Variants in ABR observed in about 807,000 individuals in gnomAD.
ABR encodes active breakpoint cluster region-related protein.
A neutral mutation model predicts 107.2 loss-of-function variants in ABR; 35 were observed. The observed-to-expected ratio is 0.33, with a 90% CI of 0.25 to 0.43. ABR has a LOEUF of 0.43. Among genes scored for constraint, ABR ranks in the 20% least tolerant of loss-of-function variants. The pLI is 1.00. For missense variants in ABR, 815 were observed against 1,115.2 expected, an observed-to-expected ratio of 0.73 and a Z score of 3.83; for synonymous variants, 498 against 462.0, an observed-to-expected ratio of 1.08 and a Z score of -1.00.
At chr17:1,216,023 G>C (rs1220542321) in intron 1 of ABR, among the ~76,000 whole-genome samples, 2 of 147,564 alleles carry the variant, frequency 1.4e-5, no homozygotes, top group East Asian at 4.0e-4. Context: ...AAGTACCCAG[G>C]GACACAAACA....
rs75519607 is a variant in ABR at position 1,200,901 on chromosome 17, G to A, written c.838+27892C>T. Among the ~76,000 whole-genome samples the A allele has an allele frequency of 0.037, 5,618 of 152,198 alleles. 145 individuals are homozygous for A. The highest frequency in any genetic ancestry group is 0.13 in the East Asian group (677 of 5,166). ...TGGGGCTCTTCCTTCCTCTGGGCAG[G>A]GCTACAGCTTAGAGACTGGGAGAAA... On this transcript the variant is annotated intron_variant, in intron 1 of 22. Transcript: ENST00000574139. This position sits in a 1 kb window ranked among gnomAD's most constrained non-coding sequence, Gnocchi z 4.1.
Position 1,072,185 on chromosome 17 carries a change from G to T in ABR, c.894+429C>A, listed in dbSNP as rs2035292784. On this transcript the variant is annotated intron_variant, in intron 8 of 22. Coordinates refer to ENST00000302538, the MANE Select transcript of ABR (RefSeq NM_021962.5). Reference sequence around the variant, plus strand: ...CCCAAAGTGCTGGGATTACAGGTGTGAGCCACCGTGCCCGGCCTCCCTAGA... The same window carrying T: ...CCCAAAGTGCTGGGATTACAGGTGTTAGCCACCGTGCCCGGCCTCCCTAGA... Among the ~76,000 whole-genome samples the T allele has an allele frequency of 4.6e-5, 7 of 152,320 alleles. No homozygotes were observed. In the South Asian group the frequency reaches 1.4e-3, roughly 32 times the overall value.
At chr17:1,038,960 G>A (rs569285861) in intron 16 of ABR, among the ~76,000 whole-genome samples, 28 of 152,350 alleles carry the variant, frequency 1.8e-4, no homozygotes, top group African/African-American at 4.6e-4. Flanking sequence ...CTATGTCTGC[G>A]GCTTTCGCCT....
chr17:1,205,880 T>C (rs1050185950), intron 1 of ABR, among the ~76,000 whole-genome samples: 3 of 152,028 alleles, frequency 2.0e-5, no homozygotes, highest in Non-Finnish European at 2.9e-5. Flanking sequence ...AGGTGGCGGT[T>C]GCAGTGAGCT....
chr17:1,198,894 A>C (rs1254019548), intron 1 of ABR, among the ~76,000 whole-genome samples: 1 of 148,236 alleles, frequency 6.7e-6, no homozygotes, highest in Admixed American at 6.7e-5. Flanking sequence ...CAGCCTCCCA[A>C]AGTGCTGGGA....
At position 1,015,829 on chromosome 17, in the gene ABR, C is replaced by T. The variant is rs1182766690; in HGVS notation, c.1792-2665G>A. ...TGGAATGCTCTCTCAATGAGATGGGCGGAACATTTTTTGCTTTAGTTCGCG... is the reference window on the plus strand; with the variant it reads ...TGGAATGCTCTCTCAATGAGATGGGTGGAACATTTTTTGCTTTAGTTCGCG... On this transcript the variant is annotated intron_variant, in intron 16 of 22. Coordinates refer to ENST00000302538, the MANE Select transcript of ABR (RefSeq NM_021962.5). 3.3e-5 allele frequency among the ~76,000 whole-genome samples: 5 copies of T among 152,192 alleles called. 1 individual carries two copies. Among genetic ancestry groups the T allele is most frequent in the Admixed American group, 2.6e-4 (4 of 15,282 alleles).
chr17:1,036,862 C>T (rs2073219319), intron 16 of ABR, among the ~76,000 whole-genome samples: 1 of 152,172 alleles, frequency 6.6e-6, no homozygotes, highest in Non-Finnish European at 1.5e-5. Context: ...CTAGGTTTTT[C>T]TCCCCACCCA....
intron 16 of ABR, among the ~76,000 whole-genome samples, chr17:1,034,518 G>GA (rs2150937624): frequency 6.6e-6 from 1 of 152,280 alleles, no homozygotes; most frequent in East Asian, 1.9e-4. Context: ...CAGACAAAAT[G>GA]CCACGAACAT....
rs1028899782 is a variant in ABR, at chr17:1,092,408, G to A, written c.346-558C>T. On this transcript the variant is annotated intron_variant, in intron 3 of 22. Coordinates refer to ENST00000302538, the MANE Select transcript of ABR (RefSeq NM_021962.5). The surrounding 1 kb of genome is among the most constrained non-coding windows in gnomAD (Gnocchi z 4.6). ...GTGTCCCCCACTGCAGCCCACCCCC[G>A]TGGCAGACATTGCTAAGCGACCGTG... is the stretch of plus-strand genomic sequence containing the variant. Among the ~76,000 whole-genome samples, 1 of 152,146 alleles carries A rather than the reference G, an allele frequency of 6.6e-6. No homozygotes were observed. The highest frequency in any genetic ancestry group is 1.5e-5 in the Non-Finnish European group (1 of 68,026).
At chr17:1,021,792 GA>G (rs35845220) in intron 16 of ABR, among the ~76,000 whole-genome samples, 10,437 of 128,860 alleles carry the variant, frequency 0.081, 428 homozygotes, top group Middle Eastern at 0.15. Context: ...CCTGGCGGCA[GA>G]AAAAAAAAAA....
At chr17:1,114,442 T>A (rs542337209) in intron 2 of ABR, among the ~76,000 whole-genome samples, 2 of 135,166 alleles carry the variant, frequency 1.5e-5, no homozygotes, top group African/African-American at 5.7e-5. Flanking sequence ...TGCACTCTAG[T>A]CTGGGCGACA....
At chr17:1,077,458 G>C (rs1164188034) in intron 6 of ABR, among the ~76,000 whole-genome samples, 1 of 152,152 alleles carries the variant, frequency 6.6e-6, no homozygotes. Flanking sequence ...TCCTAGGCCA[G>C]ACCAAAAAGA....
At chr17:1,180,025 C>CG (rs1213667125), upstream of ABR, among the ~76,000 whole-genome samples, 10 of 30,958 alleles carry the variant, frequency 3.2e-4, no homozygotes, top group East Asian at 2.3e-3. Flanking sequence ...CGTGGTGGGG[C>CG]GGGGCTTTGG....
At chr17:1,158,555 G>C (rs747319863) in intron 1 of ABR, among the ~76,000 whole-genome samples, 13 of 151,862 alleles carry the variant, frequency 8.6e-5, no homozygotes, top group Non-Finnish European at 1.5e-4. Flanking sequence ...CTGAGGTCAG[G>C]AGTTCAAGAC....
intron 13 of ABR, 57 bp downstream of exon 13, chr17:1,056,941 G>A: frequency 2.4e-6 from 3 of 1,256,520 alleles, no homozygotes; most frequent in South Asian, 1.2e-5. Context: ...CGGGAAGCCG[G>A]CCACGCTCTG....
intron 16 of ABR, among the ~76,000 whole-genome samples, chr17:1,018,203 C>A (rs868771595): frequency 1.3e-5 from 2 of 152,042 alleles, no homozygotes; most frequent in Non-Finnish European, 2.9e-5. Context: ...CCACCACCCC[C>A]GGCTAATTTT....
In ABR at chr17:1,179,135, C is replaced by T. The variant is rs73277386; in HGVS notation, c.61+532G>A. On this transcript the variant is annotated intron_variant, in intron 1 of 22. Coordinates refer to ENST00000302538, the MANE Select transcript of ABR (RefSeq NM_021962.5). The surrounding 1 kb of genome is among the most constrained non-coding windows in gnomAD (Gnocchi z 4.9). ...GGCCCCCGCGGATATCTGCACCCCC[C>T]GTCTCCCCTCCCACCCGATCCCACC... Among the ~76,000 whole-genome samples, 16 of 151,420 alleles carry T rather than the reference C, an allele frequency of 1.1e-4. No homozygotes were observed. In the East Asian group the frequency reaches 2.9e-3, roughly 28 times the overall value.
At chr17:1,018,893 T>C (rs1026220202) in intron 16 of ABR, among the ~76,000 whole-genome samples, 1 of 152,214 alleles carries the variant, frequency 6.6e-6, no homozygotes, top group African/African-American at 2.4e-5. Context: ...CAGATGAGGA[T>C]GCTGCAGCTT....
chr17:1,144,627 C>T (rs2040455380), intron 1 of ABR, among the ~76,000 whole-genome samples: 1 of 150,828 alleles, frequency 6.6e-6, no homozygotes, highest in Non-Finnish European at 1.5e-5. Flanking sequence ...CTCAGTGGCT[C>T]ACGCCTGCAA....
Sources: gnomAD v4.1 joint callset for allele counts (sites outside exome capture counted in the v4.1 genomes callset) on GRCh38, gnomAD v4.1.1 for gene constraint, Gnocchi (gnomAD v3.1) non-coding constraint, MANE v1.5 for transcripts, NCBI Gene and HGNC (gene_info 2026-07-23, HGNC 2026-07-21) for gene names.